FAR2: variants seen among roughly 807,000 people sequenced by gnomAD.
FAR2 encodes the protein epididymis secretory protein Li 81.
A neutral mutation model predicts 56.0 loss-of-function variants in FAR2; 19 were observed. The observed-to-expected ratio is 0.34, with a 90% confidence interval of 0.24 to 0.50. The LOEUF is 0.50. FAR2 is among the 20% of genes least tolerant of loss of function. The pLI, the probability that FAR2 is intolerant of heterozygous loss-of-function variation, is 0.98. For missense variants in FAR2, 508 were observed against 642.2 expected (o/e 0.79, Z 2.26); for synonymous variants, 219 against 218.8 (o/e 1.00, Z -0.01).
At chr12:29,205,375 G>A (rs957929765) in intron 1 of FAR2, among the ~76,000 whole-genome samples, 3 of 152,158 alleles carry the variant, frequency 2.0e-5, no homozygotes, top group Non-Finnish European at 2.9e-5. Context: ...TTCTTGATGT[G>A]TTATACCAAA....
intron 1 of FAR2, among the ~76,000 whole-genome samples, chr12:29,153,809 G>A (rs1949700141): frequency 6.6e-6 from 1 of 152,136 alleles, no homozygotes; most frequent in Admixed American, 6.5e-5. Context: ...TGGGAGGTGG[G>A]AGAGGCAGAA....
intron 2 of FAR2, among the ~76,000 whole-genome samples, chr12:29,292,024 G>A (rs1948976690): frequency 6.6e-6 from 1 of 152,120 alleles, no homozygotes; most frequent in Non-Finnish European, 1.5e-5. Flanking sequence ...CAATGCAACA[G>A]ATACAACACA....
At chr12:29,189,241 T>C (rs1950077484) in intron 1 of FAR2, among the ~76,000 whole-genome samples, 1 of 152,204 alleles carries the variant, frequency 6.6e-6, no homozygotes, top group Non-Finnish European at 1.5e-5. Flanking sequence ...CATTTATTTA[T>C]TTATATCAGT....
Position 29,330,651 on chromosome 12 carries a change from G to C in FAR2, c.1258-1949G>C, listed in dbSNP as rs542391615. On this transcript the variant is annotated intron_variant, in intron 10 of 11. Transcript: ENST00000536681. ...AAATTCAATTACATTCTTTAGAAGT[G>C]TAATATTTCCTGAAGAGAAAAAGAG... Among the ~76,000 whole-genome samples the C allele has an allele frequency of 4.7e-4, 71 of 152,300 alleles. 1 individual carries two copies. Among genetic ancestry groups the C allele is most frequent in the African/African-American group, 1.7e-3 (70 of 41,556 alleles).
chr12:29,166,269 TTAATATC>T (rs1320111582), intron 1 of FAR2, among the ~76,000 whole-genome samples: 2 of 152,230 alleles, frequency 1.3e-5, no homozygotes, highest in East Asian at 1.9e-4. Flanking sequence ...TGTACAGACT[TTAATATC>T]TATATCTATA....
At chr12:29,275,397 C>A (rs573541866) in intron 2 of FAR2, among the ~76,000 whole-genome samples, 1 of 152,128 alleles carries the variant, frequency 6.6e-6, no homozygotes, top group Middle Eastern at 3.4e-3. Context: ...AGGCAGGAAC[C>A]GGCCATCTGG....
intron 1 of FAR2, among the ~76,000 whole-genome samples, chr12:29,160,987 A>G (rs568639213): frequency 3.3e-4 from 51 of 152,298 alleles, no homozygotes; most frequent in Non-Finnish European, 5.4e-4. Flanking sequence ...TATTATCACA[A>G]TGGAAAATGA....
At chr12:29,286,494 G>T (rs530040416) in intron 2 of FAR2, among the ~76,000 whole-genome samples, 1 of 152,286 alleles carries the variant, frequency 6.6e-6, no homozygotes, top group African/African-American at 2.4e-5. Context: ...CTCTAGCATG[G>T]ATAATGCAGA....
chr12:29,182,129 C>T (rs971453402), intron 1 of FAR2, among the ~76,000 whole-genome samples: 33 of 152,194 alleles, frequency 2.2e-4, no homozygotes, highest in Admixed American at 1.2e-3. Context: ...TTCTTGGTCT[C>T]GCTGACTTCA....
chr12:29,274,182 A>G (rs1398338815), intron 2 of FAR2, among the ~76,000 whole-genome samples: 6 of 128,608 alleles, frequency 4.7e-5, no homozygotes, highest in African/African-American at 8.5e-5. Flanking sequence ...TCCTAATGCT[A>G]TCCCTCCCCC....
intron 1 of FAR2, among the ~76,000 whole-genome samples, chr12:29,252,851 T>C (rs1319202672): frequency 6.6e-6 from 1 of 152,210 alleles, no homozygotes; most frequent in Non-Finnish European, 1.5e-5. Flanking sequence ...TGGGCAGTAG[T>C]GCCCAGGTAT....
At chr12:29,180,255 A>T (rs2136596414) in intron 1 of FAR2, among the ~76,000 whole-genome samples, 1 of 152,306 alleles carries the variant, frequency 6.6e-6, no homozygotes, top group Middle Eastern at 3.4e-3. Context: ...TGATCAAAAA[A>T]CCAAAACAAA....
At chr12:29,180,771 A>G (rs1471419396) in intron 1 of FAR2, among the ~76,000 whole-genome samples, 1 of 147,410 alleles carries the variant, frequency 6.8e-6, no homozygotes, top group Admixed American at 6.8e-5. Flanking sequence ...CTATCTATCT[A>G]TTCTCTATCT....
intron 4 of FAR2, among the ~76,000 whole-genome samples, chr12:29,306,510 T>TA (rs1382379394): frequency 6.6e-6 from 1 of 152,214 alleles, no homozygotes; most frequent in Admixed American, 6.5e-5. Flanking sequence ...CAAAATAGTA[T>TA]AGTTCTGTTC....
chr12:29,311,499 C>T (rs1345158502), intron 7 of FAR2, among the ~76,000 whole-genome samples: 1 of 151,848 alleles, frequency 6.6e-6, no homozygotes, highest in Admixed American at 6.6e-5. Flanking sequence ...TTTAATTGAA[C>T]TCTGGTAAAT....
chr12:29,213,690 A>AG (rs67164910), intron 1 of FAR2, among the ~76,000 whole-genome samples: 7 of 8,858 alleles, frequency 7.9e-4, no homozygotes, highest in African/African-American at 1.2e-3. Flanking sequence ...ACTCTGTCTC[A>AG]AAAAAAAAAA....
chr12:29,233,564 C>T (rs1947892056), intron 1 of FAR2, among the ~76,000 whole-genome samples: 1 of 152,192 alleles, frequency 6.6e-6, no homozygotes, highest in Non-Finnish European at 1.5e-5. Flanking sequence ...TTTGTATTTA[C>T]ACCAAATTAG....
chr12:29,199,599 C>A (rs989917248), intron 1 of FAR2, among the ~76,000 whole-genome samples: 497 of 105,974 alleles, frequency 4.7e-3, no homozygotes, highest in South Asian at 8.4e-3. Flanking sequence ...GACCCCGTCT[C>A]AAAAAAAAAA....
rs942993812 is a variant in FAR2 at position 29,334,522 on chromosome 12, T to C, written c.*728T>C. 6.6e-6 allele frequency: 1 copy of C among 152,180 alleles called. No homozygotes were observed. Among genetic ancestry groups the C allele is most frequent in the Non-Finnish European group, 1.5e-5 (1 of 68,018 alleles). The allele number at this position is 152,180 out of a possible 1,614,324, so 9.4% of individuals were successfully genotyped here. The stretch of plus-strand genomic sequence containing the variant: ...TTCTCAAATTCGAATTTGATAGCTA[T>C]TATTTCTAAATCTTTTTAATCCTCA... On this transcript the variant is annotated 3_prime_UTR_variant, in exon 12 of 12. Transcript: ENST00000536681.
Sources: gnomAD v4.1 joint callset for allele counts (sites outside exome capture counted in the v4.1 genomes callset) on GRCh38, gnomAD v4.1.1 for gene constraint, MANE v1.5 for transcripts, NCBI Gene and HGNC (gene_info 2026-07-23, HGNC 2026-07-21) for gene names.